WWOX: variants seen among roughly 807,000 people sequenced by gnomAD.
WWOX encodes the protein WW domain-containing oxidoreductase.
A neutral mutation model predicts 46.2 loss-of-function variants in WWOX; 69 were observed. The observed-to-expected ratio is 1.49, with a 90% CI of 1.23 to 1.82. The LOEUF is 1.82. Ranked by LOEUF, WWOX falls within the 40% of genes most tolerant of loss-of-function variation. The pLI, the probability that WWOX is intolerant of heterozygous loss-of-function variation, is 0.00. For synonymous variants in WWOX, 359 were observed against 202.6 expected, an observed-to-expected ratio of 1.77 and a Z score of -6.56; for missense variants, 919 against 542.6, an observed-to-expected ratio of 1.69 and a Z score of -6.89.
chr16:78,983,198 G>C lies in WWOX; in HGVS notation c.1057-228410G>C, dbSNP rs564059490. Among the ~76,000 whole-genome samples the C allele has an allele frequency of 2.0e-5, 3 of 152,264 alleles. 1 individual carries two copies. The highest frequency in any genetic ancestry group is 7.2e-5 in the African/African-American group (3 of 41,548). On this transcript the variant is annotated intron_variant, in intron 8 of 8. Transcript: ENST00000566780. Reference sequence around the variant, plus strand: ...TCATAGAATCAAAGAATCAGAAAGAGCTGAAACATAGACCACGGACACTCA... The same window carrying C: ...TCATAGAATCAAAGAATCAGAAAGACCTGAAACATAGACCACGGACACTCA...
chr16:78,987,730 C>T (rs538756583), intron 8 of WWOX, among the ~76,000 whole-genome samples: 10 of 152,180 alleles, frequency 6.6e-5, no homozygotes, highest in South Asian at 2.1e-4. Flanking sequence ...ATGAGAGTTG[C>T]GATATGTCGG....
chr16:78,981,471 T>C (rs988051648), intron 8 of WWOX, among the ~76,000 whole-genome samples: 2 of 151,292 alleles, frequency 1.3e-5, no homozygotes, highest in Non-Finnish European at 2.9e-5. Flanking sequence ...GGAGTCTTGC[T>C]CTGTCATCCA....
At chr16:78,552,889 C>T (rs768533481) in intron 8 of WWOX, 1 of 152,208 alleles carries the variant, frequency 6.6e-6, no homozygotes, top group Non-Finnish European at 1.5e-5. Context: ...TTGTTACTCA[C>T]AGATCCATGG....
intron 8 of WWOX, among the ~76,000 whole-genome samples, chr16:78,979,693 C>A (rs1003391034): frequency 6.6e-6 from 1 of 152,104 alleles, no homozygotes; most frequent in Non-Finnish European, 1.5e-5. Context: ...GCCTGTGTAG[C>A]CGTCCATGCT....
At chr16:78,709,879 C>A (rs2048403068) in intron 8 of WWOX, among the ~76,000 whole-genome samples, 2 of 152,030 alleles carry the variant, frequency 1.3e-5, no homozygotes, top group African/African-American at 4.8e-5. Context: ...CAGGCACCCG[C>A]CACCCGACGC....
intron 8 of WWOX, among the ~76,000 whole-genome samples, chr16:78,676,367 G>A (rs1332120083): frequency 6.6e-6 from 1 of 151,054 alleles, no homozygotes; most frequent in African/African-American, 2.4e-5. Context: ...CTTAGGCCTT[G>A]GTAGCATGAG....
chr16:78,926,827 C>A (rs1386232624), intron 8 of WWOX, among the ~76,000 whole-genome samples: 2 of 152,112 alleles, frequency 1.3e-5, no homozygotes, highest in East Asian at 3.9e-4. Context: ...GAAGGGGTCT[C>A]ACTCTGTCAC....
rs544749056 is a variant in WWOX at position 78,617,439 on chromosome 16, T to G, written c.1056+184687T>G. 2.6e-5 allele frequency among the ~76,000 whole-genome samples: 4 copies of G among 151,500 alleles called. No homozygotes were observed. The South Asian group carries it at 8.4e-4, about 32-fold the overall frequency. On this transcript the variant is annotated intron_variant, in intron 8 of 8. Transcript: ENST00000566780. ...AAAAAAAGTGACCACACTGTGGCTT[T>G]GCTGCTTTGCCTAAGTATTTCGTGA...
intron 5 of WWOX, among the ~76,000 whole-genome samples, chr16:78,234,741 G>A (rs527485772): frequency 4.4e-4 from 66 of 151,366 alleles, no homozygotes; most frequent in African/African-American, 1.6e-3. Context: ...AGAACCACAA[G>A]TCTCTATTTT....
At chr16:78,648,749 C>T (rs2089216677) in intron 8 of WWOX, among the ~76,000 whole-genome samples, 2 of 152,126 alleles carry the variant, frequency 1.3e-5, no homozygotes, top group South Asian at 2.1e-4. Context: ...TTTTGTTTAA[C>T]CATAAAGCTT....
At chr16:78,859,023 AAAAAAT>A (rs2052645364) in intron 8 of WWOX, among the ~76,000 whole-genome samples, 1 of 33,294 alleles carries the variant, frequency 3.0e-5, no homozygotes, top group African/African-American at 1.6e-4. Context: ...AAAAAAAAAA[AAAAAAT>A]ATATATATAT....
intron 8 of WWOX, among the ~76,000 whole-genome samples, chr16:78,824,661 C>T (rs776236546): frequency 8.5e-5 from 13 of 152,066 alleles, no homozygotes; most frequent in East Asian, 1.9e-4. Flanking sequence ...GAGGAAGAAG[C>T]GCACGTGAGA....
rs1407202596 is a variant in WWOX at position 79,134,904 on chromosome 16, A to T, written c.1057-76704A>T. Among the ~76,000 whole-genome samples, 3 of 152,340 alleles carry T rather than the reference A, an allele frequency of 2.0e-5. No individual in the cohort carries two copies. In the East Asian group the frequency reaches 5.8e-4, roughly 29 times the overall value. On this transcript the variant is annotated intron_variant, in intron 8 of 8. Transcript: ENST00000566780. ...TCCCACTGGAAGGTGTTCTGTAGCAAAGTGGAGTGAATGCCACCAATAATG... is the reference window on the plus strand; with the variant it reads ...TCCCACTGGAAGGTGTTCTGTAGCATAGTGGAGTGAATGCCACCAATAATG...
At chr16:78,335,611 G>A (rs1324655585) in intron 5 of WWOX, among the ~76,000 whole-genome samples, 1 of 152,136 alleles carries the variant, frequency 6.6e-6, no homozygotes, top group Non-Finnish European at 1.5e-5. Flanking sequence ...GTAACCAAAG[G>A]AATAGAAATG....
At chr16:78,369,126 A>T (rs1014527934) in intron 5 of WWOX, among the ~76,000 whole-genome samples, 3 of 152,086 alleles carry the variant, frequency 2.0e-5, no homozygotes, top group African/African-American at 7.2e-5. Flanking sequence ...TACACATTAA[A>T]GGAAAACTCA....
intron 4 of WWOX, among the ~76,000 whole-genome samples, chr16:78,121,743 C>T (rs1445805579): frequency 6.6e-6 from 1 of 151,688 alleles, no homozygotes; most frequent in African/African-American, 2.4e-5. Flanking sequence ...CTCACTGCAA[C>T]CTTTGTCTCC....
intron 8 of WWOX, among the ~76,000 whole-genome samples, chr16:78,598,634 G>A (rs1048573186): frequency 1.9e-4 from 29 of 152,118 alleles, no homozygotes; most frequent in Admixed American, 1.6e-3. Flanking sequence ...GCAGGCAAAC[G>A]TTTTGAAAAG....
rs374027284 is a variant in WWOX, at chr16:78,858,208, A to G, written c.1057-353400A>G. On this transcript the variant is annotated intron_variant, in intron 8 of 8. Coordinates refer to ENST00000566780, the MANE Select transcript of WWOX (RefSeq NM_016373.4). ...GTGCATGATATAAGTTTTTATTTCAATCGTTTTAGGGGTAAAGTGGTTTTT... is the reference window on the plus strand; with the variant it reads ...GTGCATGATATAAGTTTTTATTTCAGTCGTTTTAGGGGTAAAGTGGTTTTT... 1.3e-3 allele frequency among the ~76,000 whole-genome samples: 186 copies of G among 148,112 alleles called. 1 individual carries two copies. The East Asian group carries it at 0.021, about 16-fold the overall frequency.
At chr16:78,105,659 C>T (rs956255061) in intron 1 of WWOX, among the ~76,000 whole-genome samples, 3 of 152,066 alleles carry the variant, frequency 2.0e-5, no homozygotes, top group African/African-American at 4.8e-5. Context: ...TGTTTGTTTA[C>T]ATTTGTGCGC....
Sources: gnomAD v4.1 joint callset for allele counts (sites outside exome capture counted in the v4.1 genomes callset) on GRCh38, gnomAD v4.1.1 for gene constraint, MANE v1.5 for transcripts, NCBI Gene and HGNC (gene_info 2026-07-23, HGNC 2026-07-21) for gene names.